The following MGAT4C variants were observed in gnomAD, a reference collection of about 807,000 sequenced individuals.
MGAT4C encodes MGAT4 family member C.
MGAT4C carries 19 observed loss-of-function variants against 40.1 expected under a neutral mutation model. The observed-to-expected ratio is 0.47, with a 90% CI of 0.33 to 0.70. The LOEUF (loss-of-function observed/expected upper bound fraction) is 0.70. Ranked by LOEUF, MGAT4C falls within the 30% of genes least tolerant of loss-of-function variation. MGAT4C has a pLI of 0.02. For missense variants in MGAT4C, 491 were observed against 563.2 expected, an observed-to-expected ratio of 0.87 and a Z score of 1.30; for synonymous variants, 181 against 187.1, an observed-to-expected ratio of 0.97 and a Z score of 0.27.
chr12:86,823,346 G>T (rs1952739328), intron 1 of MGAT4C, among the ~76,000 whole-genome samples: 1 of 150,816 alleles, frequency 6.6e-6, no homozygotes. Flanking sequence ...TTGGCTTTTT[G>T]AAAAAATAAA....
intron 2 of MGAT4C, among the ~76,000 whole-genome samples, chr12:86,535,155 T>C (rs773356807): frequency 6.6e-6 from 1 of 152,152 alleles, no homozygotes; most frequent in African/African-American, 2.4e-5. Context: ...TTGAAAAGCA[T>C]CTTTAACATA....
At chr12:86,436,930 C>G (rs897140987) in intron 2 of MGAT4C, among the ~76,000 whole-genome samples, 1 of 151,658 alleles carries the variant, frequency 6.6e-6, no homozygotes, top group Non-Finnish European at 1.5e-5. Context: ...TGATTATTTG[C>G]TAAGTGACAG....
chr12:86,075,484 T>C (rs367927659), intron 1 of MGAT4C, among the ~76,000 whole-genome samples: 1 of 152,294 alleles, frequency 6.6e-6, no homozygotes, highest in Non-Finnish European at 1.5e-5. Context: ...TCTACCATTC[T>C]GGGGTCTGGA....
At chr12:86,705,446 C>A (rs1950438979) in intron 2 of MGAT4C, among the ~76,000 whole-genome samples, 1 of 151,688 alleles carries the variant, frequency 6.6e-6, no homozygotes, top group Non-Finnish European at 1.5e-5. Flanking sequence ...GGGGAGGTTT[C>A]ACAACAGAAT....
chr12:86,054,780 G>T (rs938995697), intron 1 of MGAT4C, among the ~76,000 whole-genome samples: 1 of 151,736 alleles, frequency 6.6e-6, no homozygotes, highest in Non-Finnish European at 1.5e-5. Flanking sequence ...TGTCTGTTAG[G>T]TTTATCTAGT....
At chr12:86,602,883 CGTGTGTGTGT>C (rs35262458) in intron 2 of MGAT4C, among the ~76,000 whole-genome samples, 23 of 147,572 alleles carry the variant, frequency 1.6e-4, no homozygotes, top group African/African-American at 2.2e-4. Flanking sequence ...TGCCCATCTG[CGTGTGTGTGT>C]GTGTGTGTGT....
At chr12:86,361,495 T>C (rs1042036773) in intron 3 of MGAT4C, among the ~76,000 whole-genome samples, 1 of 152,132 alleles carries the variant, frequency 6.6e-6, no homozygotes, top group Non-Finnish European at 1.5e-5. Context: ...TGGGATCTAA[T>C]TAAACTAAAC....
intron 4 of MGAT4C, among the ~76,000 whole-genome samples, chr12:86,278,178 CTT>C (rs57981698): frequency 1.2e-4 from 12 of 99,942 alleles, no homozygotes; most frequent in Admixed American, 7.5e-4. Flanking sequence ...TGTTGACTTC[CTT>C]TTTTTTTTTT....
chr12:86,219,287 A>G (rs183892896), intron 1 of MGAT4C, among the ~76,000 whole-genome samples: 2 of 152,346 alleles, frequency 1.3e-5, no homozygotes, highest in East Asian at 3.9e-4. Flanking sequence ...TAAAGATTCT[A>G]TTCTTCAAAG....
chr12:86,603,531 AT>A (rs372098346), intron 2 of MGAT4C, among the ~76,000 whole-genome samples: 96,705 of 111,758 alleles, frequency 0.87, 42,686 homozygotes, highest in East Asian at 0.96. Context: ...TAGACTATAT[AT>A]AGTCTATAGA....
chr12:86,625,393 T>A (rs1175211503), intron 2 of MGAT4C, among the ~76,000 whole-genome samples: 4 of 152,068 alleles, frequency 2.6e-5, no homozygotes, highest in Non-Finnish European at 4.4e-5. Context: ...ATTGTGCACA[T>A]TGGAAAATAT....
intron 1 of MGAT4C, among the ~76,000 whole-genome samples, chr12:86,213,040 C>A (rs1950544182): frequency 6.6e-6 from 1 of 151,444 alleles, no homozygotes; most frequent in Non-Finnish European, 1.5e-5. Flanking sequence ...TTCAGCTTGC[C>A]ATATTTCCCA....
At position 86,788,456 on chromosome 12, in the gene MGAT4C, C is replaced by T. The variant is rs1951970304; in HGVS notation, c.-262+50210G>A. Among the ~76,000 whole-genome samples, 3 of 152,006 alleles carry T rather than the reference C, an allele frequency of 2.0e-5. No homozygotes were observed. In the South Asian group the frequency reaches 6.2e-4, roughly 31 times the overall value. Reference sequence around the variant, plus strand: ...GAAGCACCAATTACAATGACATCAACAGATTTCTTTCTCATTTCTACAAAC... The same window carrying T: ...GAAGCACCAATTACAATGACATCAATAGATTTCTTTCTCATTTCTACAAAC... On this transcript the variant is annotated intron_variant, in intron 1 of 7. Transcript: ENST00000548651.
chr12:86,436,682 T>C (rs1162467052), intron 2 of MGAT4C, among the ~76,000 whole-genome samples: 3 of 151,708 alleles, frequency 2.0e-5, no homozygotes, highest in South Asian at 4.1e-4. Flanking sequence ...CCAAACAACG[T>C]TTTCTTTTAA....
chr12:85,996,027 A>T (rs1324699319), intron 2 of MGAT4C, among the ~76,000 whole-genome samples: 1 of 152,180 alleles, frequency 6.6e-6, no homozygotes, highest in African/African-American at 2.4e-5. Flanking sequence ...AAAGTACAGC[A>T]CTCTTTAAAC....
intron 1 of MGAT4C, among the ~76,000 whole-genome samples, chr12:86,251,131 G>GTTTTTTTT: frequency 7.2e-6 from 1 of 138,108 alleles, no homozygotes; most frequent in African/African-American, 2.6e-5. Flanking sequence ...TTTATTTCCC[G>GTTTTTTTT]TTTTTTTTTT....
chr12:86,587,557 C>T (rs10776986), intron 2 of MGAT4C, among the ~76,000 whole-genome samples: 129,238 of 151,862 alleles, frequency 0.85, 55,528 homozygotes, highest in East Asian at 0.96. Context: ...GCCATTTTCA[C>T]GATATTCATT....
At chr12:86,395,478 C>T (rs939357083) in intron 3 of MGAT4C, among the ~76,000 whole-genome samples, 1 of 152,108 alleles carries the variant, frequency 6.6e-6, no homozygotes, top group African/African-American at 2.4e-5. Flanking sequence ...CGCCTCAGAA[C>T]TGTGTATCAT....
At chr12:86,315,067 AAAAC>A (rs764145547) in intron 4 of MGAT4C, among the ~76,000 whole-genome samples, 28 of 152,070 alleles carry the variant, frequency 1.8e-4, no homozygotes, top group Non-Finnish European at 3.2e-4. Flanking sequence ...AAACAAATAA[AAAAC>A]AGAACAAAGC....
Sources: allele counts gnomAD v4.1 joint callset (sites outside exome capture counted in the v4.1 genomes callset), GRCh38; gene constraint gnomAD v4.1.1; transcripts MANE v1.5; gene names NCBI Gene and HGNC (gene_info 2026-07-23, HGNC 2026-07-21).